The following PLCB4 variants were observed in gnomAD, a reference collection of about 807,000 sequenced individuals.
PLCB4 encodes 1-phosphatidylinositol 4,5-bisphosphate phosphodiesterase beta-4.
In PLCB4, 77 loss-of-function variants were observed where a neutral mutation model predicts 178.8. The ratio of observed to expected loss-of-function variants is 0.43; its 90% CI spans 0.36 to 0.52. The LOEUF is 0.52. PLCB4 is among the 20% of genes least tolerant of loss of function. The pLI is 0.00. For synonymous variants in PLCB4, 496 were observed against 490.8 expected (o/e 1.01, Z -0.14); for missense variants, 1,024 against 1,453.4 (o/e 0.70, Z 4.80).
At chr20:9,334,391 A>G (rs2032144209) in intron 4 of PLCB4, among the ~76,000 whole-genome samples, 1 of 152,170 alleles carries the variant, frequency 6.6e-6, no homozygotes, top group East Asian at 1.9e-4. Flanking sequence ...AATATTTCTA[A>G]GATATTATGT....
chr20:9,307,947 T>G, intron 4 of PLCB4, 49 bp downstream of exon 4: 1 of 753,004 alleles, frequency 1.3e-6, no homozygotes, highest in Non-Finnish European at 2.2e-6. Flanking sequence ...TAATAATTAT[T>G]AAATTTTAAT....
At chr20:9,156,013 C>T (rs2092781854) in intron 2 of PLCB4, among the ~76,000 whole-genome samples, 1 of 152,142 alleles carries the variant, frequency 6.6e-6, no homozygotes, top group Non-Finnish European at 1.5e-5. Flanking sequence ...GGTCAATATC[C>T]GTTGTCTTAG....
intron 9 of PLCB4, among the ~76,000 whole-genome samples, chr20:9,366,540 C>T (rs542140703): frequency 6.6e-6 from 1 of 152,270 alleles, no homozygotes; most frequent in Admixed American, 6.5e-5. Flanking sequence ...CTCTTTTCTG[C>T]TTCTCACTTC....
At chr20:9,396,177 C>T in intron 19 of PLCB4, among the ~76,000 whole-genome samples, 1 of 152,136 alleles carries the variant, frequency 6.6e-6, no homozygotes, top group East Asian at 1.9e-4. Context: ...AATTCTTAGC[C>T]AGAGAATCCC....
intron 3 of PLCB4, among the ~76,000 whole-genome samples, chr20:9,249,334 G>T (rs533782936): frequency 2.6e-5 from 4 of 152,088 alleles, no homozygotes; most frequent in Admixed American, 2.6e-4. Context: ...TTGAGACAAG[G>T]TATCTCTCTG....
intron 2 of PLCB4, among the ~76,000 whole-genome samples, chr20:9,175,290 A>T (rs1179214336): frequency 6.6e-6 from 1 of 152,114 alleles, no homozygotes; most frequent in African/African-American, 2.4e-5. Flanking sequence ...GCTGGGGAGA[A>T]GGGTGAACCC....
intron 7 of PLCB4, among the ~76,000 whole-genome samples, chr20:9,339,355 G>C (rs575256003): frequency 1.3e-5 from 2 of 151,930 alleles, no homozygotes; most frequent in East Asian, 3.9e-4. Flanking sequence ...TCTGAGGTGG[G>C]GACAAGATTC....
intron 36 of PLCB4, among the ~76,000 whole-genome samples, chr20:9,472,093 T>C (rs939815646): frequency 6.6e-6 from 1 of 152,200 alleles, no homozygotes; most frequent in Non-Finnish European, 1.5e-5. Flanking sequence ...ATGAAAATAA[T>C]GAAGTGGTCT....
chr20:9,254,230 A>C (rs2094210766), intron 3 of PLCB4, among the ~76,000 whole-genome samples: 1 of 152,220 alleles, frequency 6.6e-6, no homozygotes, highest in Admixed American at 6.5e-5. Flanking sequence ...AACTGTTTTT[A>C]TTTGAAGACT....
At chr20:9,245,900 A>C (rs1302908148) in intron 3 of PLCB4, among the ~76,000 whole-genome samples, 1 of 152,028 alleles carries the variant, frequency 6.6e-6, no homozygotes, top group Non-Finnish European at 1.5e-5. Context: ...CCAAAGTGCT[A>C]GGATTACAGG....
intron 30 of PLCB4, among the ~76,000 whole-genome samples, chr20:9,440,919 T>G (rs1440376565): frequency 6.6e-6 from 1 of 152,062 alleles, no homozygotes; most frequent in African/African-American, 2.4e-5. Flanking sequence ...GAGATTGCAG[T>G]CAGAAAGAGG....
At chr20:9,103,767 T>C (rs1281998387) in intron 2 of PLCB4, among the ~76,000 whole-genome samples, 2 of 152,178 alleles carry the variant, frequency 1.3e-5, no homozygotes, top group African/African-American at 4.8e-5. Context: ...AAAATATTAG[T>C]AAATAACTAT....
chr20:9,186,745 C>G (rs1303985877), intron 2 of PLCB4, among the ~76,000 whole-genome samples: 1 of 152,130 alleles, frequency 6.6e-6, no homozygotes, highest in Non-Finnish European at 1.5e-5. Flanking sequence ...CCTTCTACTT[C>G]TAGCTAGTTA....
intron 3 of PLCB4, among the ~76,000 whole-genome samples, chr20:9,273,716 G>GTGTC (rs1172496997): frequency 1.3e-5 from 2 of 149,670 alleles, no homozygotes; most frequent in Admixed American, 6.8e-5. Context: ...GTGTGTGTGT[G>GTGTC]TGTCTGTTTG....
chr20:9,154,993 G>C (rs1254576044), intron 2 of PLCB4, among the ~76,000 whole-genome samples: 1 of 138,234 alleles, frequency 7.2e-6, no homozygotes, highest in Non-Finnish European at 1.5e-5. Context: ...AGTGGTTTTT[G>C]GTTACATGGA....
At chr20:9,420,023 G>A (rs1230808169) in intron 26 of PLCB4, 114 bp downstream of exon 26, 3 of 575,880 alleles carry the variant, frequency 5.2e-6, no homozygotes, top group South Asian at 7.0e-5. Context: ...TCACAACTTT[G>A]ACTTAAGATT....
chr20:9,240,042 G>A (rs771513712), intron 3 of PLCB4, among the ~76,000 whole-genome samples: 3 of 152,164 alleles, frequency 2.0e-5, no homozygotes, highest in Non-Finnish European at 4.4e-5. Context: ...GCCTCTCCCA[G>A]TCCACTGACT....
intron 2 of PLCB4, among the ~76,000 whole-genome samples, chr20:9,134,677 A>G (rs2092346058): frequency 6.6e-6 from 1 of 152,096 alleles, no homozygotes; most frequent in Admixed American, 6.5e-5. Flanking sequence ...AGCATCCCCC[A>G]TGATCCCAGA....
At chr20:9,113,556 C>T (rs1339176117) in intron 2 of PLCB4, among the ~76,000 whole-genome samples, 1 of 152,168 alleles carries the variant, frequency 6.6e-6, no homozygotes, top group Non-Finnish European at 1.5e-5. Flanking sequence ...TGGGGAAGAT[C>T]ACATATTACG....
Sources: allele counts gnomAD v4.1 joint callset (sites outside exome capture counted in the v4.1 genomes callset), GRCh38; gene constraint gnomAD v4.1.1; transcripts MANE v1.5; gene names NCBI Gene and HGNC (gene_info 2026-07-23, HGNC 2026-07-21).